APPBP2: variants seen among roughly 807,000 people sequenced by gnomAD.
The protein encoded by APPBP2 is amyloid beta precursor protein binding protein 2.
In APPBP2, 15 loss-of-function variants were observed where a neutral mutation model predicts 76.0. That is an observed-to-expected ratio of 0.20 (90% CI 0.13 to 0.30). The LOEUF is 0.30. Ranked by LOEUF, APPBP2 falls within the 10% of genes least tolerant of loss-of-function variation. The probability of loss-of-function intolerance (pLI) is 1.00; values close to 1 mark genes in which losing one functional copy is unlikely to be tolerated. For missense variants in APPBP2, 401 were observed against 687.2 expected (o/e 0.58, Z 4.66); for synonymous variants, 222 against 242.2 (o/e 0.92, Z 0.77).
chr17:60,456,738 G>C (rs7220311), intron 9 of APPBP2, among the ~76,000 whole-genome samples: 12,485 of 152,050 alleles, frequency 0.082, 1,698 homozygotes, highest in African/African-American at 0.28. Context: ...TGCAGAGCAT[G>C]TTCTCACCCT....
In APPBP2 at chr17:60,447,841, CA is replaced by C. The variant is rs748509921; in HGVS notation, c.1505-8del. 88 of 1,404,482 alleles carry C rather than the reference CA, an allele frequency of 6.3e-5. No homozygotes were observed. Among genetic ancestry groups the C allele is most frequent in the Non-Finnish European group, 7.7e-5 (82 of 1,068,506 alleles). The allele number at this position is 1,404,482 out of a possible 1,614,324, so 87.0% of individuals were successfully genotyped here. A position where few individuals can be genotyped will look rare whatever the true frequency, so the allele number is the denominator to read the frequency against. On this transcript the variant is annotated splice_polypyrimidine_tract_variant and splice_region_variant and intron_variant, in intron 12 of 12. Coordinates refer to ENST00000083182, the MANE Select transcript of APPBP2 (RefSeq NM_006380.5). ...TCACCAAAAAGTTTCTTCCCTGTAA[CA>C]AAAAAGAAAAAGGAAAAAAAAAAAA... is the stretch of plus-strand genomic sequence containing the variant.
At chr17:60,510,142 C>T (rs1198618947) in intron 1 of APPBP2, among the ~76,000 whole-genome samples, 1 of 152,152 alleles carries the variant, frequency 6.6e-6, no homozygotes, top group Non-Finnish European at 1.5e-5. Context: ...GTGGCTCACA[C>T]CTGTAATCCC....
intron 1 of APPBP2, among the ~76,000 whole-genome samples, chr17:60,508,929 A>G (rs1200739256): frequency 6.6e-6 from 1 of 152,242 alleles, no homozygotes; most frequent in Non-Finnish European, 1.5e-5. Flanking sequence ...TAAAGTCTAC[A>G]GGACAAACGA....
At chr17:60,512,948 T>A (rs1257673408) in intron 1 of APPBP2, among the ~76,000 whole-genome samples, 2 of 145,316 alleles carry the variant, frequency 1.4e-5, no homozygotes, top group South Asian at 2.1e-4. Context: ...AAAAAAAAAT[T>A]TTTCTTTTCC....
intron 1 of APPBP2, among the ~76,000 whole-genome samples, chr17:60,520,568 G>A (rs1344520363): frequency 3.8e-5 from 4 of 106,230 alleles, no homozygotes; most frequent in African/African-American, 5.7e-5. Context: ...ACAAGACTCT[G>A]TTAAAAAAAA....
At chr17:60,463,917 CG>C in intron 6 of APPBP2, 103 bp downstream of exon 6, 3 of 730,878 alleles carry the variant, frequency 4.1e-6, no homozygotes, top group Non-Finnish European at 6.5e-6. Context: ...CCTATGCCTA[CG>C]GAGTGTACAA....
chr17:60,456,213 C>A, intron 10 of APPBP2, 83 bp downstream of exon 10: 1 of 981,238 alleles, frequency 1.0e-6, no homozygotes, highest in Non-Finnish European at 1.6e-6. Context: ...TCCTCCAATC[C>A]TCTGAGAAAA....
At chr17:60,503,429 C>T (rs1409806795) in intron 1 of APPBP2, among the ~76,000 whole-genome samples, 2 of 144,644 alleles carry the variant, frequency 1.4e-5, no homozygotes, top group Non-Finnish European at 2.9e-5. Context: ...CTCTTGTTGC[C>T]CAGGCTGGAG....
intron 3 of APPBP2, among the ~76,000 whole-genome samples, chr17:60,484,903 A>G (rs929276537): frequency 1.3e-5 from 2 of 152,028 alleles, no homozygotes; most frequent in Middle Eastern, 3.4e-3. Flanking sequence ...CATTCCATAA[A>G]TACCTAATTT....
At chr17:60,500,850 G>GA (rs1467600062) in intron 1 of APPBP2, among the ~76,000 whole-genome samples, 1 of 152,090 alleles carries the variant, frequency 6.6e-6, no homozygotes, top group Admixed American at 6.5e-5. Context: ...ATAATGTCCA[G>GA]AAAACAGAGC....
chr17:60,451,504 C>T lies in APPBP2; in HGVS notation c.1504+376G>A, dbSNP rs184218657. Among the ~76,000 whole-genome samples, 695 of 151,992 alleles carry T rather than the reference C, an allele frequency of 4.6e-3. 7 individuals carry two copies. Among genetic ancestry groups the T allele is most frequent in the Non-Finnish European group, 7.4e-3 (502 of 67,960 alleles). On this transcript the variant is annotated intron_variant, in intron 12 of 12. Transcript: ENST00000083182. ...TATTTATTTTTTTGAGATGGAGTCT[C>T]GTTCTGTTGCCCAGGCTGGAGAGCA... is the stretch of plus-strand genomic sequence containing the variant.
At chr17:60,516,037 G>A (rs939132898) in intron 1 of APPBP2, among the ~76,000 whole-genome samples, 7 of 152,082 alleles carry the variant, frequency 4.6e-5, no homozygotes, top group Admixed American at 2.6e-4. Context: ...GTGGTGGCAC[G>A]CACCTGTAAT....
chr17:60,500,607 T>G (rs2090815474), intron 1 of APPBP2, 120 bp from the exon 2 acceptor site: 9 of 708,340 alleles, frequency 1.3e-5, no homozygotes, highest in Non-Finnish European at 2.2e-5. Flanking sequence ...AAGAGAAATG[T>G]AACACTAACA....
chr17:60,484,517 T>A (rs112689266), intron 3 of APPBP2, among the ~76,000 whole-genome samples: 12,496 of 152,150 alleles, frequency 0.082, 1,698 homozygotes, highest in African/African-American at 0.28. Flanking sequence ...ACTCATAATT[T>A]GGCTGTTTAT....
intron 12 of APPBP2, 88 bp downstream of exon 12, chr17:60,451,792 T>TATATGTTGTATAAGGAA: frequency 8.0e-7 from 1 of 1,250,372 alleles, no homozygotes; most frequent in South Asian, 1.5e-5. Flanking sequence ...TTTAAGTCTT[T>TATATGTTGTATAAGGAA]AATAACATTT....
intron 4 of APPBP2, among the ~76,000 whole-genome samples, chr17:60,472,058 G>A (rs933699656): frequency 2.6e-5 from 4 of 152,090 alleles, no homozygotes; most frequent in Non-Finnish European, 4.4e-5. Context: ...CCTGGGAGGC[G>A]GAAGTTGCAG....
At chr17:60,488,392 A>G (rs931848862) in intron 3 of APPBP2, among the ~76,000 whole-genome samples, 1 of 152,222 alleles carries the variant, frequency 6.6e-6, no homozygotes, top group Non-Finnish European at 1.5e-5. Flanking sequence ...GTATTATGGT[A>G]AATAAAACAA....
chr17:60,525,512 A>G (rs148393798), intron 1 of APPBP2, among the ~76,000 whole-genome samples: 2 of 152,308 alleles, frequency 1.3e-5, no homozygotes, highest in African/African-American at 4.8e-5. Flanking sequence ...GCGATAGAGT[A>G]AGTCCACGCA....
At chr17:60,504,976 A>T (rs965753997) in intron 1 of APPBP2, among the ~76,000 whole-genome samples, 26 of 152,220 alleles carry the variant, frequency 1.7e-4, no homozygotes, top group African/African-American at 6.3e-4. Flanking sequence ...GTTGTTATCA[A>T]GGAAAAATGG....
Sources: allele counts gnomAD v4.1 joint callset (sites outside exome capture counted in the v4.1 genomes callset), GRCh38; gene constraint gnomAD v4.1.1; transcripts MANE v1.5; gene names NCBI Gene and HGNC (gene_info 2026-07-23, HGNC 2026-07-21).